DENND2B: variants seen among roughly 807,000 people sequenced by gnomAD.
The protein encoded by DENND2B is DENN domain containing 2B.
A neutral mutation model predicts 116.0 loss-of-function variants in DENND2B; 32 were observed. The ratio of observed to expected loss-of-function variants is 0.28; its 90% CI spans 0.21 to 0.37. DENND2B has a LOEUF of 0.37. Ranked by LOEUF, DENND2B falls within the 10% of genes least tolerant of loss-of-function variation. The probability of loss-of-function intolerance (pLI) is 1.00; values close to 1 mark genes in which losing one functional copy is unlikely to be tolerated. For synonymous variants in DENND2B, 588 were observed against 583.9 expected, an observed-to-expected ratio of 1.01 and a Z score of -0.10; for missense variants, 1,276 against 1,477.7, an observed-to-expected ratio of 0.86 and a Z score of 2.24.
Position 8,712,781 on chromosome 11 carries a change from T to G in DENND2B, c.1988-46A>C. 6.4e-7 allele frequency: 1 copy of G among 1,564,698 alleles called. No homozygotes were observed. Among genetic ancestry groups the G allele is most frequent in the Non-Finnish European group, 8.7e-7 (1 of 1,155,830 alleles). On this transcript the variant is annotated intron_variant, in intron 8 of 19. Coordinates refer to ENST00000313726, the MANE Select transcript of DENND2B (RefSeq NM_213618.2). This position sits in a 1 kb window ranked among gnomAD's most constrained non-coding sequence, Gnocchi z 4.4. The stretch of plus-strand genomic sequence containing the variant: ...AGGGAATGGACCCTCACAGGCCTCA[T>G]GTTAACTCCTCTACCCCTGGCTCAG...
At chr11:8,901,283 G>A (rs1318307892) in intron 1 of DENND2B, among the ~76,000 whole-genome samples, 7 of 126,982 alleles carry the variant, frequency 5.5e-5, no homozygotes, top group Middle Eastern at 4.6e-3. Flanking sequence ...AGGCTGGAGT[G>A]CAGTGGTGCA....
At chr11:8,857,423 T>A in exon 3 of DENND2B, 1 of 152,216 alleles carries the variant, frequency 6.6e-6, no homozygotes. Flanking sequence ...ATACTATCCA[T>A]TCTGTCACCA....
chr11:8,839,590 C>A (rs563571269), intron 3 of DENND2B, among the ~76,000 whole-genome samples: 1 of 152,292 alleles, frequency 6.6e-6, no homozygotes, highest in East Asian at 1.9e-4. Context: ...GGTGACCACA[C>A]CAGCAAACTG....
intron 4 of DENND2B, among the ~76,000 whole-genome samples, chr11:8,720,011 A>C (rs539759741): frequency 1.3e-5 from 2 of 152,272 alleles, no homozygotes; most frequent in Non-Finnish European, 2.9e-5. Context: ...CTTGGCTTCT[A>C]TCCACCAGGA....
chr11:8,701,256 C>T (rs906159893), intron 14 of DENND2B, among the ~76,000 whole-genome samples: 1 of 151,252 alleles, frequency 6.6e-6, no homozygotes. Flanking sequence ...TGCCTAGCAG[C>T]ATGGCTGCCC....
At chr11:8,872,072 T>A (rs1435999421), upstream of DENND2B, among the ~76,000 whole-genome samples, 1 of 152,228 alleles carries the variant, frequency 6.6e-6, no homozygotes, top group East Asian at 1.9e-4. Context: ...AACCAGTGTG[T>A]ATGAACATAA....
At chr11:8,839,391 T>A (rs2062546104) in intron 3 of DENND2B, 1 of 152,056 alleles carries the variant, frequency 6.6e-6, no homozygotes, top group African/African-American at 2.4e-5. Flanking sequence ...CAAGTAAAAT[T>A]CACTTACACT....
intron 1 of DENND2B, among the ~76,000 whole-genome samples, chr11:8,764,219 C>CAA (rs71452485): frequency 6.8e-6 from 1 of 147,760 alleles, no homozygotes; most frequent in African/African-American, 2.5e-5. Context: ...GAATCAATCT[C>CAA]AAAAAAAAAA....
At position 8,707,923 on chromosome 11, in the gene DENND2B, C is replaced by T. The variant is rs2042904537; in HGVS notation, c.2353-69G>A. The T allele has an allele frequency of 6.4e-7, 1 of 1,558,682 alleles. No individual in the cohort carries two copies. The highest frequency in any genetic ancestry group is 1.4e-5 in the African/African-American group (1 of 73,922). Reference sequence around the variant, plus strand: ...AATGCATGATTACCATTTCTGGCTCCTTTTCCTTGGGAACGGAGGAGTAAG... The same window carrying T: ...AATGCATGATTACCATTTCTGGCTCTTTTTCCTTGGGAACGGAGGAGTAAG... On this transcript the variant is annotated intron_variant, in intron 11 of 19. Coordinates refer to ENST00000313726, the MANE Select transcript of DENND2B (RefSeq NM_213618.2). The surrounding 1 kb of genome is among the most constrained non-coding windows in gnomAD (Gnocchi z 4.8).
At chr11:8,739,569 T>C (rs1482940870) in intron 2 of DENND2B, among the ~76,000 whole-genome samples, 1 of 152,270 alleles carries the variant, frequency 6.6e-6, no homozygotes, top group Admixed American at 6.5e-5. Flanking sequence ...CATCTCTCTG[T>C]TATTCTACAA....
At position 8,698,955 on chromosome 11, in the gene DENND2B, C is replaced by T; in HGVS notation, c.2918G>A (p.Gly973Glu). Residue 973 changes from glycine to glutamate, a missense_variant, in exon 16 of 20, where the codon GGA becomes GAA. Gly to Glu is a moderately conservative substitution (Grantham distance 98, BLOSUM62 -2). Transcript: ENST00000313726. ...TACCTGTCGGATGAATCGGTCAGAT[C>T]CCAGATTCACCATCAGCGCCTGAGA... ...PVEEALMVNL[G>E]SDRFIRQMDD... is the part of the protein sequence containing the mutation. The T allele has an allele frequency of 1.2e-6, 2 of 1,614,184 alleles. No homozygotes were observed. The highest frequency in any genetic ancestry group is 1.7e-6 in the Non-Finnish European group (2 of 1,180,040).
intron 1 of DENND2B, among the ~76,000 whole-genome samples, chr11:8,885,981 C>A (rs2063956092): frequency 6.6e-6 from 1 of 152,034 alleles, no homozygotes; most frequent in Non-Finnish European, 1.5e-5. Flanking sequence ...AGCTCTGTCA[C>A]CCAGGCTGGA....
Position 8,909,484 on chromosome 11 carries a change from G to T in DENND2B, c.-256+1337C>A, listed in dbSNP as rs889981080. Among the ~76,000 whole-genome samples, 9 of 151,960 alleles carry T rather than the reference G, an allele frequency of 5.9e-5. No homozygotes were observed. The East Asian group carries it at 1.7e-3, about 29-fold the overall frequency. ...GAAGGAGAAGAAATGGAAAAAAAAA[G>T]ATGGCAGAGCCAGAATTCAAACCAG... On this transcript the variant is annotated intron_variant, in intron 1 of 22. Coordinates refer to the DENND2B transcript ENST00000534127.
intron 11 of DENND2B, chr11:8,708,325 C>T: frequency 1.0e-6 from 1 of 985,434 alleles, no homozygotes; most frequent in Non-Finnish European, 1.2e-6. Flanking sequence ...TTTCTTGATC[C>T]ACCTCCATTC....
intron 1 of DENND2B, among the ~76,000 whole-genome samples, chr11:8,901,210 C>CT (rs1555223213): frequency 6.0e-4 from 56 of 93,124 alleles, no homozygotes; most frequent in Admixed American, 1.3e-3. Flanking sequence ...TTTTCTTTTT[C>CT]TTTCTTTTCT....
intron 15 of DENND2B, 26 bp downstream of exon 15, chr11:8,699,187 C>T (rs1180485923): frequency 1.3e-6 from 2 of 1,540,770 alleles, no homozygotes; most frequent in African/African-American, 2.8e-5. Flanking sequence ...CACCCTTCCC[C>T]CCAGCTGGTT....
intron 1 of DENND2B, among the ~76,000 whole-genome samples, chr11:8,888,818 G>A (rs1366146249): frequency 6.6e-6 from 1 of 152,140 alleles, no homozygotes; most frequent in Non-Finnish European, 1.5e-5. Context: ...ATGAAAAGAT[G>A]CTCAACATCA....
chr11:8,841,020 C>G (rs1271093438), intron 3 of DENND2B, among the ~76,000 whole-genome samples: 8 of 152,168 alleles, frequency 5.3e-5, no homozygotes, highest in Non-Finnish European at 1.2e-4. Context: ...TCAAACTTCT[C>G]TTAATGTTGC....
intron 2 of DENND2B, 60 bp from the exon 3 acceptor site, chr11:8,731,269 C>G: frequency 7.2e-7 from 1 of 1,398,572 alleles, no homozygotes; most frequent in Non-Finnish European, 9.5e-7. Context: ...GCTGACCAAC[C>G]AGTGGCATCC....
Sources: gnomAD v4.1 joint callset for allele counts (sites outside exome capture counted in the v4.1 genomes callset) on GRCh38, gnomAD v4.1.1 for gene constraint, Gnocchi (gnomAD v3.1) non-coding constraint, MANE v1.5 for transcripts, NCBI Gene and HGNC (gene_info 2026-07-23, HGNC 2026-07-21) for gene names.